The following PTPRD variants were observed in gnomAD, a reference collection of about 807,000 sequenced individuals.
PTPRD encodes receptor-type tyrosine-protein phosphatase delta.
A neutral mutation model predicts 214.5 loss-of-function variants in PTPRD; 34 were observed. The ratio of observed to expected loss-of-function variants is 0.16; its 90% CI spans 0.12 to 0.21. PTPRD has a LOEUF of 0.21. Among genes scored for constraint, PTPRD ranks in the 10% least tolerant of loss-of-function variants. The probability of loss-of-function intolerance (pLI) is 1.00; values close to 1 mark genes in which losing one functional copy is unlikely to be tolerated. For synonymous variants in PTPRD, 1,128 were observed against 845.7 expected, an observed-to-expected ratio of 1.33 and a Z score of -5.79; for missense variants, 2,545 against 2,398.7, an observed-to-expected ratio of 1.06 and a Z score of -1.27.
chr9:10,511,976 G>GTGTGTGTA (rs1555454354), intron 2 of PTPRD, among the ~76,000 whole-genome samples: 5 of 52,198 alleles, frequency 9.6e-5, no homozygotes, highest in Middle Eastern at 0.014. Context: ...ACGTGTGTGT[G>GTGTGTGTA]TATATATATA....
intron 5 of PTPRD, among the ~76,000 whole-genome samples, chr9:9,866,908 A>G (rs1317872712): frequency 1.3e-5 from 2 of 152,106 alleles, no homozygotes; most frequent in Non-Finnish European, 2.9e-5. Context: ...TTAAACCGCA[A>G]CAGTTTTTGC....
chr9:9,188,444 T>C (rs2099933037), intron 9 of PTPRD, among the ~76,000 whole-genome samples: 1 of 152,096 alleles, frequency 6.6e-6, no homozygotes, highest in Non-Finnish European at 1.5e-5. Flanking sequence ...CCAAACTGTT[T>C]TCCAAAGTGG....
At chr9:9,741,922 G>A (rs1321374732) in intron 6 of PTPRD, among the ~76,000 whole-genome samples, 2 of 152,152 alleles carry the variant, frequency 1.3e-5, no homozygotes, top group African/African-American at 2.4e-5. Context: ...ACATACATGA[G>A]CATGTGTCTT....
At chr9:10,239,202 T>A (rs1355184555) in intron 3 of PTPRD, among the ~76,000 whole-genome samples, 1 of 151,972 alleles carries the variant, frequency 6.6e-6, no homozygotes, top group African/African-American at 2.4e-5. Context: ...AATCAATAGT[T>A]GTTTTCCATC....
At chr9:9,508,100 G>T (rs931023410) in intron 8 of PTPRD, among the ~76,000 whole-genome samples, 1 of 151,562 alleles carries the variant, frequency 6.6e-6, no homozygotes, top group Non-Finnish European at 1.5e-5. Context: ...TCATACTTCA[G>T]TATTTTACTG....
intron 2 of PTPRD, among the ~76,000 whole-genome samples, chr9:10,586,176 G>T (rs545279050): frequency 6.6e-6 from 1 of 151,766 alleles, no homozygotes; most frequent in East Asian, 1.9e-4. Flanking sequence ...TTAGACAAAC[G>T]TCTCTCCACA....
intron 11 of PTPRD, among the ~76,000 whole-genome samples, chr9:8,818,561 C>A (rs1407685285): frequency 6.6e-6 from 1 of 152,168 alleles, no homozygotes; most frequent in Non-Finnish European, 1.5e-5. Context: ...GATTAAAACA[C>A]TGAGACTCAG....
chr9:8,429,082 C>T (rs1020503447), intron 35 of PTPRD, among the ~76,000 whole-genome samples: 2 of 152,138 alleles, frequency 1.3e-5, no homozygotes, highest in Admixed American at 1.3e-4. Flanking sequence ...ACTGGGTTTT[C>T]CCAGGAATAG....
intron 4 of PTPRD, among the ~76,000 whole-genome samples, chr9:9,945,643 T>C (rs2092439481): frequency 1.3e-5 from 2 of 152,136 alleles, no homozygotes; most frequent in Non-Finnish European, 2.9e-5. Context: ...TGTGCTCTAG[T>C]AAAATTGGAG....
chr9:10,118,310 A>G (rs1386348804), intron 3 of PTPRD, among the ~76,000 whole-genome samples: 2 of 151,604 alleles, frequency 1.3e-5, no homozygotes, highest in African/African-American at 4.8e-5. Flanking sequence ...TATTATCTAT[A>G]TAACTGTCTA....
At chr9:8,318,404 C>CTT (rs1293134655) in intron 45 of PTPRD, among the ~76,000 whole-genome samples, 1 of 152,014 alleles carries the variant, frequency 6.6e-6, no homozygotes, top group Non-Finnish European at 1.5e-5. Context: ...TCTGAATTTA[C>CTT]TTATCTTCTG....
chr9:9,191,015 T>C (rs891689258), intron 9 of PTPRD, among the ~76,000 whole-genome samples: 2 of 152,062 alleles, frequency 1.3e-5, no homozygotes, highest in South Asian at 2.1e-4. Context: ...TTCATACACT[T>C]GTGTAACCTC....
intron 5 of PTPRD, among the ~76,000 whole-genome samples, chr9:9,814,737 T>TA (rs2153554698): frequency 7.0e-6 from 1 of 143,422 alleles, no homozygotes; most frequent in East Asian, 2.0e-4. Context: ...TTCACAGAAA[T>TA]AAAAAATACA....
intron 2 of PTPRD, among the ~76,000 whole-genome samples, chr9:10,426,849 C>A (rs150050112): frequency 9.3e-4 from 142 of 152,158 alleles, no homozygotes; most frequent in African/African-American, 3.3e-3. Context: ...GCTCTTGTGT[C>A]CACAGGTTGG....
chr9:8,378,869 A>T (rs1325064415), intron 37 of PTPRD, among the ~76,000 whole-genome samples: 1 of 152,076 alleles, frequency 6.6e-6, no homozygotes, highest in African/African-American at 2.4e-5. Context: ...TGGAAAAATG[A>T]CTCTCCATCT....
chr9:10,473,388 T>C (rs2099043533), intron 2 of PTPRD, among the ~76,000 whole-genome samples: 4 of 152,096 alleles, frequency 2.6e-5, no homozygotes, highest in South Asian at 4.1e-4. Context: ...TACTAGCATG[T>C]CTCACTTTTA....
intron 11 of PTPRD, among the ~76,000 whole-genome samples, chr9:8,891,318 G>T (rs1158577913): frequency 6.6e-6 from 1 of 151,754 alleles, no homozygotes; most frequent in Non-Finnish European, 1.5e-5. Flanking sequence ...ATTTTTAGTA[G>T]AGACGGAGTT....
intron 2 of PTPRD, among the ~76,000 whole-genome samples, chr9:10,449,802 GGGGGAAATGT>G (rs544326336): frequency 6.6e-4 from 100 of 151,930 alleles, no homozygotes; most frequent in African/African-American, 2.3e-3. Flanking sequence ...GAATAGAAAA[GGGGGAAATGT>G]GGGGAAAAGA....
chr9:10,074,434 A>T (rs1211122873), intron 3 of PTPRD, among the ~76,000 whole-genome samples: 2 of 152,090 alleles, frequency 1.3e-5, no homozygotes, highest in African/African-American at 4.8e-5. Flanking sequence ...TCAGGGTGTT[A>T]TTGGCTCAGT....
Sources: allele counts gnomAD v4.1 joint callset (sites outside exome capture counted in the v4.1 genomes callset), GRCh38; gene constraint gnomAD v4.1.1; transcripts MANE v1.5; gene names NCBI Gene and HGNC (gene_info 2026-07-23, HGNC 2026-07-21).